Variants in RGS6 observed in about 807,000 individuals in gnomAD.
RGS6 encodes regulator of G-protein signaling 6.
RGS6 carries 30 observed loss-of-function variants against 78.5 expected under a neutral mutation model. The ratio of observed to expected loss-of-function variants is 0.38; its 90% CI spans 0.29 to 0.52. RGS6 has a LOEUF of 0.52. RGS6 is among the 20% of genes least tolerant of loss of function. The pLI, the probability that RGS6 is intolerant of heterozygous loss-of-function variation, is 0.85. For synonymous variants in RGS6, 206 were observed against 206.0 expected (o/e 1.00, Z 0.00); for missense variants, 495 against 609.7 (o/e 0.81, Z 1.98).
intron 17 of RGS6, among the ~76,000 whole-genome samples, chr14:72,557,211 TAAG>T (rs1158159228): frequency 2.6e-5 from 4 of 151,436 alleles, no homozygotes; most frequent in African/African-American, 9.7e-5. Flanking sequence ...TAGAGGGTGA[TAAG>T]AAATAGAGAA....
the RGS6 span, among the ~76,000 whole-genome samples, chr14:71,917,590 C>T: frequency 5.9e-5 from 9 of 152,264 alleles, no homozygotes; most frequent in African/African-American, 1.7e-4. Context: ...TGCAGCCCTG[C>T]GTGTGGCCCA....
chr14:71,989,660 C>G (rs1235786316), intron 2 of RGS6, among the ~76,000 whole-genome samples: 2 of 152,212 alleles, frequency 1.3e-5, no homozygotes, highest in Non-Finnish European at 2.9e-5. Flanking sequence ...TACACTACTT[C>G]CCATGGGCCA....
At chr14:72,135,794 A>G (rs919142628) in intron 2 of RGS6, among the ~76,000 whole-genome samples, 1 of 152,142 alleles carries the variant, frequency 6.6e-6, no homozygotes, top group Non-Finnish European at 1.5e-5. Context: ...TTATTAAAAG[A>G]ACAAATCTAT....
At chr14:72,587,592 G>A in the RGS6 span, among the ~76,000 whole-genome samples, 1 of 152,126 alleles carries the variant, frequency 6.6e-6, no homozygotes, top group Non-Finnish European at 1.5e-5. Flanking sequence ...GAGGCCTGAA[G>A]AGTCTCCTTG....
intron 3 of RGS6, among the ~76,000 whole-genome samples, chr14:72,400,662 A>G (rs766408886): frequency 2.6e-5 from 4 of 152,204 alleles, no homozygotes; most frequent in African/African-American, 9.6e-5. Context: ...TATTGTTTCT[A>G]TATTTGAATT....
intron 1 of RGS6, among the ~76,000 whole-genome samples, chr14:71,935,788 T>C (rs905397603): frequency 2.6e-5 from 4 of 151,916 alleles, no homozygotes; most frequent in African/African-American, 9.7e-5. Flanking sequence ...ATTAAGCTAA[T>C]GACGTATTTA....
chr14:72,327,000 C>T (rs1242283588), intron 2 of RGS6, among the ~76,000 whole-genome samples: 1 of 152,184 alleles, frequency 6.6e-6, no homozygotes, highest in East Asian at 1.9e-4. Flanking sequence ...AGCCGTTGCG[C>T]CCGGCCAGGT....
chr14:72,232,478 C>T (rs1453060051), intron 2 of RGS6, among the ~76,000 whole-genome samples: 1 of 135,850 alleles, frequency 7.4e-6, no homozygotes, highest in Non-Finnish European at 1.5e-5. Flanking sequence ...TTCCTTCCCA[C>T]CTCAGATCTT....
the RGS6 span, among the ~76,000 whole-genome samples, chr14:72,620,811 C>T: frequency 2.0e-5 from 3 of 152,212 alleles, no homozygotes; most frequent in African/African-American, 7.2e-5. Context: ...TTTTCCTTTA[C>T]GTTACATGCC....
At chr14:71,912,877 G>A in the RGS6 span, among the ~76,000 whole-genome samples, 1 of 151,830 alleles carries the variant, frequency 6.6e-6, no homozygotes, top group Non-Finnish European at 1.5e-5. Flanking sequence ...CCAGGCTGGA[G>A]TGCAGAGGCA....
intron 3 of RGS6, among the ~76,000 whole-genome samples, chr14:72,408,896 G>C (rs2093171237): frequency 6.6e-6 from 1 of 152,148 alleles, no homozygotes; most frequent in Non-Finnish European, 1.5e-5. Flanking sequence ...GACACACCTT[G>C]CTGGATGATG....
the RGS6 span, chr14:72,629,545 G>GTCCT: frequency 7.3e-7 from 1 of 1,361,686 alleles, no homozygotes; most frequent in South Asian, 1.3e-5. Context: ...AGTGACAAGA[G>GTCCT]TCCTTCCTTC....
chr14:72,136,543 A>G (rs2153602472), intron 2 of RGS6, among the ~76,000 whole-genome samples: 1 of 151,938 alleles, frequency 6.6e-6, no homozygotes, highest in East Asian at 1.9e-4. Flanking sequence ...AAAAGGAGAA[A>G]CCCCTTATAA....
chr14:71,991,424 A>G (rs960529563), intron 2 of RGS6, among the ~76,000 whole-genome samples: 4 of 152,212 alleles, frequency 2.6e-5, no homozygotes, highest in African/African-American at 9.7e-5. Context: ...TCTCTCACCA[A>G]TGAAAAATAC....
chr14:72,268,745 C>T (rs1595057351), intron 2 of RGS6, among the ~76,000 whole-genome samples: 1 of 152,300 alleles, frequency 6.6e-6, no homozygotes, highest in South Asian at 2.1e-4. Context: ...GACAGGTAGG[C>T]AGAACAGTTG....
chr14:72,541,073 C>A (rs761272337), intron 17 of RGS6: 8 of 1,352,174 alleles, frequency 5.9e-6, no homozygotes, highest in Non-Finnish European at 7.8e-6. Flanking sequence ...CGGGGCCCAT[C>A]CTGTACCATG....
intron 2 of RGS6, among the ~76,000 whole-genome samples, chr14:71,985,806 C>G (rs1384642001): frequency 6.6e-6 from 1 of 152,196 alleles, no homozygotes; most frequent in Non-Finnish European, 1.5e-5. Context: ...ACTTGGAACC[C>G]TTCCAAGACA....
Position 72,396,327 on chromosome 14 carries a change from A to G in RGS6, c.184+44133A>G, listed in dbSNP as rs553105752. ...TTTCCCATGTGTTTTTTGGCTGCAT[A>G]AATGTCTTCTTTTGAGAAGTGTCTG... On this transcript the variant is annotated intron_variant, in intron 3 of 17. Coordinates refer to ENST00000553525, the MANE Select transcript of RGS6 (RefSeq NM_001204424.2). 1.9e-3 allele frequency among the ~76,000 whole-genome samples: 287 copies of G among 152,280 alleles called. 1 individual carries two copies. Among genetic ancestry groups the G allele is most frequent in the Non-Finnish European group, 2.9e-3 (194 of 68,008 alleles).
intron 2 of RGS6, among the ~76,000 whole-genome samples, chr14:72,144,751 T>C (rs1271577777): frequency 6.6e-6 from 1 of 152,048 alleles, no homozygotes; most frequent in Non-Finnish European, 1.5e-5. Flanking sequence ...GATTCATTTT[T>C]TTTTTTTTTT....
Sources: gnomAD v4.1 joint callset for allele counts (sites outside exome capture counted in the v4.1 genomes callset) on GRCh38, gnomAD v4.1.1 for gene constraint, MANE v1.5 for transcripts, NCBI Gene and HGNC (gene_info 2026-07-23, HGNC 2026-07-21) for gene names.